RBMS1: variants seen among roughly 807,000 people sequenced by gnomAD.
RBMS1 encodes the protein RNA binding motif single stranded interacting protein 1, also known as RNA-binding motif, single-stranded-interacting protein 1.
In RBMS1, 17 loss-of-function variants were observed where a neutral mutation model predicts 62.3. The observed-to-expected ratio is 0.27, with a 90% CI of 0.19 to 0.41. RBMS1 has a LOEUF of 0.41. Ranked by LOEUF, RBMS1 falls within the 10% of genes least tolerant of loss-of-function variation. The probability of loss-of-function intolerance (pLI) is 1.00; values close to 1 mark genes in which losing one functional copy is unlikely to be tolerated. For missense variants in RBMS1, 334 were observed against 504.5 expected (o/e 0.66, Z 3.24); for synonymous variants, 172 against 170.0 (o/e 1.01, Z -0.09).
intron 13 of RBMS1, among the ~76,000 whole-genome samples, chr2:160,275,171 A>G (rs766155150): frequency 6.6e-6 from 1 of 152,196 alleles, no homozygotes; most frequent in Non-Finnish European, 1.5e-5. Context: ...TTGTGGTTCA[A>G]GTGAGAGTTG....
chr2:160,463,259 A>G (rs1684544741), intron 1 of RBMS1, among the ~76,000 whole-genome samples: 1 of 152,256 alleles, frequency 6.6e-6, no homozygotes, highest in Non-Finnish European at 1.5e-5. Context: ...TGGTTAATCC[A>G]ATAACTGTGA....
intron 1 of RBMS1, among the ~76,000 whole-genome samples, chr2:160,477,000 G>A (rs1685169812): frequency 6.6e-6 from 1 of 152,196 alleles, no homozygotes; most frequent in Non-Finnish European, 1.5e-5. Context: ...CTGATATTTT[G>A]TGACTTTCTC....
At chr2:160,493,004 C>T (rs1685912463) in intron 1 of RBMS1, 2 of 370,374 alleles carry the variant, frequency 5.4e-6, no homozygotes, top group African/African-American at 2.1e-5. Flanking sequence ...CTCGACCCCA[C>T]GACCCTCCCC....
At chr2:160,491,110 GA>G (rs67585568) in intron 1 of RBMS1, among the ~76,000 whole-genome samples, 150,902 of 150,932 alleles carry the variant, frequency 1, 75,436 homozygotes, top group Middle Eastern at 1. Flanking sequence ...ATAAGGGAGA[GA>G]AAAAAAAAAG....
intron 1 of RBMS1, among the ~76,000 whole-genome samples, chr2:160,485,576 A>G (rs776323980): frequency 6.6e-5 from 10 of 152,172 alleles, no homozygotes; most frequent in South Asian, 2.1e-4. Context: ...GTTTTAAATA[A>G]CCAAATGACA....
intron 11 of RBMS1, chr2:160,277,722 G>A (rs752101041): frequency 1.1e-4 from 22 of 201,350 alleles, no homozygotes; most frequent in Admixed American, 1.6e-4. Flanking sequence ...CTCCTCAAAG[G>A]ACCTCATTAT....
chr2:160,344,489 TC>T (rs1394822439), intron 2 of RBMS1, among the ~76,000 whole-genome samples: 2 of 152,220 alleles, frequency 1.3e-5, no homozygotes, highest in African/African-American at 4.8e-5. Context: ...TGTTGTTATT[TC>T]TAGAAGTTGT....
At chr2:160,348,190 A>T (rs1249038423) in intron 2 of RBMS1, among the ~76,000 whole-genome samples, 1 of 152,234 alleles carries the variant, frequency 6.6e-6, no homozygotes, top group South Asian at 2.1e-4. Flanking sequence ...TTTTCCCAAA[A>T]GAGTATATGC....
At chr2:160,438,599 C>T (rs1479676431) in intron 1 of RBMS1, among the ~76,000 whole-genome samples, 5 of 152,230 alleles carry the variant, frequency 3.3e-5, no homozygotes, top group African/African-American at 7.2e-5. Flanking sequence ...TCAACAGGAT[C>T]CCAAGGCAGA....
In RBMS1 at chr2:160,274,734, C is replaced by G. The variant is rs1198434233; in HGVS notation, c.*38G>C. ...TCCATGATTGTTCAGCCTTCACACC[C>G]TTCTTCATGTAAGAACACCTTTCTG... On this transcript the variant is annotated 3_prime_UTR_variant, in exon 14 of 14. Transcript: ENST00000348849. The G allele has an allele frequency of 6.6e-6, 1 of 152,590 alleles. No individual in the cohort carries two copies. The highest frequency in any genetic ancestry group is 1.9e-4 in the East Asian group (1 of 5,198). 9.5% of individuals were successfully genotyped at this position (152,590 alleles called of 1,614,324 possible). A position where few individuals can be genotyped will look rare whatever the true frequency, so the allele number is the denominator to read the frequency against.
intron 6 of RBMS1, among the ~76,000 whole-genome samples, chr2:160,293,344 G>A (rs938854509): frequency 2.6e-5 from 4 of 152,018 alleles, no homozygotes; most frequent in African/African-American, 4.8e-5. Context: ...GGGCAAGAGC[G>A]GTTTTCAAGC....
intron 1 of RBMS1, among the ~76,000 whole-genome samples, chr2:160,382,112 A>G (rs536424429): frequency 1.3e-4 from 20 of 152,210 alleles, no homozygotes; most frequent in Non-Finnish European, 2.6e-4. Flanking sequence ...GTGAAGGAAC[A>G]TAGATTAACA....
At position 160,372,346 on chromosome 2, in the gene RBMS1, C is replaced by T. The variant is rs561776068; in HGVS notation, c.76-4955G>A. Among the ~76,000 whole-genome samples the T allele has an allele frequency of 7.7e-4, 117 of 152,144 alleles. 2 individuals carry two copies. The highest frequency in any genetic ancestry group is 2.7e-3 in the African/African-American group (112 of 41,522). On this transcript the variant is annotated intron_variant, in intron 1 of 13. Coordinates refer to ENST00000348849, the MANE Select transcript of RBMS1 (RefSeq NM_016836.4). Reference sequence around the variant, plus strand: ...CCCACCCCTGTTGCCCCTACACCCACCACCACCACCACGACCACCACCACC... The same window carrying T: ...CCCACCCCTGTTGCCCCTACACCCATCACCACCACCACGACCACCACCACC...
At chr2:160,444,947 A>C (rs1291053792) in intron 1 of RBMS1, among the ~76,000 whole-genome samples, 1 of 152,208 alleles carries the variant, frequency 6.6e-6, no homozygotes, top group East Asian at 1.9e-4. Flanking sequence ...GAACTGTGAA[A>C]AAACAAATTT....
intron 1 of RBMS1, among the ~76,000 whole-genome samples, chr2:160,485,376 T>C (rs1685557558): frequency 6.6e-6 from 1 of 152,088 alleles, no homozygotes; most frequent in Non-Finnish European, 1.5e-5. Context: ...CAAAGACGAG[T>C]TCCTGGAAAT....
chr2:160,363,464 G>A lies in RBMS1; in HGVS notation c.251+3752C>T, dbSNP rs569736820. ...GACCTGGCCTTGCTGAATAGAGATG[G>A]GGAGGGGAGGCACCGGATGGGAGGT... On this transcript the variant is annotated intron_variant, in intron 2 of 13. Transcript: ENST00000348849. Among the ~76,000 whole-genome samples, 4 of 152,248 alleles carry A rather than the reference G, an allele frequency of 2.6e-5. No individual in the cohort carries two copies. In the South Asian group the frequency reaches 8.3e-4, roughly 32 times the overall value.
chr2:160,368,518 C>T (rs941268436), intron 1 of RBMS1, among the ~76,000 whole-genome samples: 1 of 152,214 alleles, frequency 6.6e-6, no homozygotes, highest in African/African-American at 2.4e-5. Context: ...ATAAGCATAT[C>T]CTCATTTACC....
intron 1 of RBMS1, among the ~76,000 whole-genome samples, chr2:160,413,781 A>G (rs776691375): frequency 2.0e-5 from 3 of 152,200 alleles, no homozygotes; most frequent in Admixed American, 1.3e-4. Flanking sequence ...TTCTAAGCAC[A>G]TTACACACAC....
At chr2:160,437,443 T>C (rs991415915) in intron 1 of RBMS1, among the ~76,000 whole-genome samples, 4 of 152,200 alleles carry the variant, frequency 2.6e-5, no homozygotes, top group African/African-American at 9.6e-5. Flanking sequence ...ATTTCAAAAA[T>C]TGCCAGTTCT....
Sources: allele counts gnomAD v4.1 joint callset (sites outside exome capture counted in the v4.1 genomes callset), GRCh38; gene constraint gnomAD v4.1.1; transcripts MANE v1.5; gene names NCBI Gene and HGNC (gene_info 2026-07-23, HGNC 2026-07-21).